Variants in ATP9A observed in about 807,000 individuals in gnomAD.
The protein encoded by ATP9A is ATPase phospholipid transporting 9A.
Under a neutral mutation model 144.1 loss-of-function variants are expected in ATP9A, and 52 were observed. The ratio of observed to expected loss-of-function variants is 0.36; its 90% CI spans 0.29 to 0.45. The LOEUF (loss-of-function observed/expected upper bound fraction) is 0.45, where lower values mean the gene tolerates loss of function less well. Among genes scored for constraint, ATP9A ranks in the 20% least tolerant of loss-of-function variants. The pLI, the probability that ATP9A is intolerant of heterozygous loss-of-function variation, is 1.00. For synonymous variants in ATP9A, 582 were observed against 557.4 expected (o/e 1.04, Z -0.62); for missense variants, 947 against 1,392.7 (o/e 0.68, Z 5.09).
chr20:51,629,707 C>T (rs2077263165), intron 15 of ATP9A, among the ~76,000 whole-genome samples: 1 of 152,202 alleles, frequency 6.6e-6, no homozygotes, highest in African/African-American at 2.4e-5. Context: ...GATCCAATTA[C>T]CCAGAGTTTC....
intron 3 of ATP9A, among the ~76,000 whole-genome samples, chr20:51,714,557 A>G (rs1325420519): frequency 1.3e-5 from 2 of 152,118 alleles, no homozygotes; most frequent in Non-Finnish European, 2.9e-5. Flanking sequence ...TACTAGAGAC[A>G]GGGTTTCACC....
intron 13 of ATP9A, among the ~76,000 whole-genome samples, chr20:51,658,181 C>T (rs1219181524): frequency 4.6e-5 from 7 of 152,100 alleles, no homozygotes; most frequent in South Asian, 4.1e-4. Flanking sequence ...GAGGAGTGGC[C>T]GGGCACGGTG....
intron 9 of ATP9A, among the ~76,000 whole-genome samples, chr20:51,688,181 A>G (rs1003690584): frequency 1.3e-5 from 2 of 152,224 alleles, no homozygotes; most frequent in African/African-American, 2.4e-5. Flanking sequence ...AGTGTGTAAC[A>G]CACATAAGCA....
chr20:51,768,214 G>C, intron 1 of ATP9A, 88 bp downstream of exon 1: 3 of 888,380 alleles, frequency 3.4e-6, no homozygotes, highest in Non-Finnish European at 4.3e-6. Flanking sequence ...GCGGCGCGCG[G>C]CCAACCTGTC....
chr20:51,697,235 TTGTGTGTGTGTGTGTC>T (rs1274804199), intron 5 of ATP9A, among the ~76,000 whole-genome samples, 173 bp downstream of exon 5: 1 of 139,668 alleles, frequency 7.2e-6, no homozygotes, highest in African/African-American at 2.5e-5. Flanking sequence ...GAAAAAATAT[TTGTGTGTGTGTGTGTC>T]TGTGTGTGTG....
At chr20:51,652,194 C>T (rs968383472) in intron 14 of ATP9A, among the ~76,000 whole-genome samples, 3 of 152,228 alleles carry the variant, frequency 2.0e-5, no homozygotes, top group Admixed American at 2.0e-4. Context: ...CAGTGCTCCG[C>T]TCCTCCGGGT....
At chr20:51,736,079 CAAG>C (rs1420997601) in intron 1 of ATP9A, among the ~76,000 whole-genome samples, 2 of 152,200 alleles carry the variant, frequency 1.3e-5, no homozygotes, top group Admixed American at 6.5e-5. Context: ...AGCTGAGTGC[CAAG>C]AAGAAGCTGC....
chr20:51,710,312 GA>G (rs201732582), intron 4 of ATP9A, among the ~76,000 whole-genome samples: 2,480 of 149,756 alleles, frequency 0.017, 37 homozygotes, highest in Non-Finnish European at 0.023. Context: ...TAAAAAAAAA[GA>G]AAAAAACTTC....
chr20:51,668,075 A>G (rs1346289074), intron 13 of ATP9A, among the ~76,000 whole-genome samples: 2 of 25,492 alleles, frequency 7.8e-5, no homozygotes, highest in Non-Finnish European at 1.6e-4. Flanking sequence ...TTACAAAAGA[A>G]GGAAGGGAGG....
intron 3 of ATP9A, among the ~76,000 whole-genome samples, chr20:51,725,149 G>GTC (rs371743316): frequency 1.3e-3 from 195 of 152,074 alleles, no homozygotes; most frequent in African/African-American, 4.4e-3. Flanking sequence ...TTTGAGACAG[G>GTC]TCTCTCTCCA....
chr20:51,607,702 A>G (rs2047754096), intron 25 of ATP9A, 118 bp from the exon 26 acceptor site: 8 of 748,148 alleles, frequency 1.1e-5, no homozygotes, highest in South Asian at 4.8e-5. Flanking sequence ...GTCTTCATCA[A>G]TAAAGTGGCT....
At chr20:51,633,142 A>G (rs1019698489) in intron 15 of ATP9A, among the ~76,000 whole-genome samples, 16 of 152,140 alleles carry the variant, frequency 1.1e-4, no homozygotes, top group Non-Finnish European at 2.1e-4. Flanking sequence ...AAAACAAAAC[A>G]AAACAAAAAA....
chr20:51,621,519 T>C (rs961883975), intron 19 of ATP9A, among the ~76,000 whole-genome samples: 2 of 152,138 alleles, frequency 1.3e-5, no homozygotes, highest in Non-Finnish European at 2.9e-5. Context: ...CAGTCCTCAC[T>C]GGCAGCAGTT....
chr20:51,604,528 T>A (rs943679537), intron 27 of ATP9A, among the ~76,000 whole-genome samples: 1 of 152,142 alleles, frequency 6.6e-6, no homozygotes, highest in Non-Finnish European at 1.5e-5. Context: ...CAAAAAGATT[T>A]TGTGGCCCAA....
intron 9 of ATP9A, among the ~76,000 whole-genome samples, chr20:51,677,421 T>A (rs1192656047): frequency 1.3e-5 from 2 of 152,154 alleles, no homozygotes; most frequent in Non-Finnish European, 2.9e-5. Context: ...AGCTACCTCA[T>A]GGAACAGAGA....
chr20:51,611,911 T>C lies in ATP9A; in HGVS notation c.2572-1746A>G, dbSNP rs1413237311. Among the ~76,000 whole-genome samples the C allele has an allele frequency of 1.3e-5, 2 of 152,146 alleles. No individual in the cohort carries two copies. The highest frequency in any genetic ancestry group is 2.4e-5 in the African/African-American group (1 of 41,434). On this transcript the variant is annotated intron_variant, in intron 23 of 27. Coordinates refer to ENST00000338821, the MANE Select transcript of ATP9A (RefSeq NM_006045.3). This position sits in a 1 kb window ranked among gnomAD's most constrained non-coding sequence, Gnocchi z 4.2. ...AAACATAAAATCACCCCCAAAAAAC[T>C]GGGGTGTAGCCAGTGGACGGAAAAT...
intron 19 of ATP9A, among the ~76,000 whole-genome samples, chr20:51,620,080 G>A (rs2077220373): frequency 6.6e-6 from 1 of 152,152 alleles, no homozygotes; most frequent in Non-Finnish European, 1.5e-5. Flanking sequence ...CAGGTATGCA[G>A]AGCCAGGCAC....
chr20:51,619,485 C>T (rs1021523673), intron 19 of ATP9A, among the ~76,000 whole-genome samples: 1 of 149,794 alleles, frequency 6.7e-6, no homozygotes, highest in African/African-American at 2.5e-5. Flanking sequence ...ATCACTTGAA[C>T]CCAGGAGGCA....
At chr20:51,741,045 A>AAAAATAAATTTTAATTAATTAATT (rs2077783012) in intron 1 of ATP9A, among the ~76,000 whole-genome samples, 1 of 151,742 alleles carries the variant, frequency 6.6e-6, no homozygotes, top group Non-Finnish European at 1.5e-5. Context: ...TTAATTAATT[A>AAAAATAAATTTTAATTAATTAATT]AAAATAAATT....
Sources: allele counts gnomAD v4.1 joint callset (sites outside exome capture counted in the v4.1 genomes callset), GRCh38; gene constraint gnomAD v4.1.1; non-coding constraint Gnocchi (gnomAD v3.1); transcripts MANE v1.5; gene names NCBI Gene and HGNC (gene_info 2026-07-23, HGNC 2026-07-21).